Variants in FSHR observed in about 807,000 individuals in gnomAD.
The protein encoded by FSHR is follicle-stimulating hormone receptor.
FSHR carries 46 observed loss-of-function variants against 52.1 expected under a neutral mutation model. The ratio of observed to expected loss-of-function variants is 0.88; its 90% CI spans 0.70 to 1.13. The LOEUF (loss-of-function observed/expected upper bound fraction) is 1.13. Among genes scored for constraint, FSHR ranks in the 50% most tolerant of loss-of-function variants. The pLI, the probability that FSHR is intolerant of heterozygous loss-of-function variation, is 0.00. For missense variants in FSHR, 964 were observed against 834.6 expected, an observed-to-expected ratio of 1.16 and a Z score of -1.91; for synonymous variants, 399 against 309.6, an observed-to-expected ratio of 1.29 and a Z score of -3.03.
At chr2:49,086,842 C>G (rs921762138) in intron 1 of FSHR, among the ~76,000 whole-genome samples, 16 of 152,184 alleles carry the variant, frequency 1.1e-4, no homozygotes, top group African/African-American at 3.9e-4. Flanking sequence ...CATGGTTGGC[C>G]AGGCTGGTCT....
intron 1 of FSHR, among the ~76,000 whole-genome samples, chr2:49,128,357 G>A (rs527247212): frequency 3.3e-5 from 5 of 152,078 alleles, no homozygotes; most frequent in African/African-American, 1.2e-4. Flanking sequence ...CACACAAATT[G>A]AGCAATACTG....
At chr2:49,128,268 T>C (rs560947207) in intron 1 of FSHR, among the ~76,000 whole-genome samples, 34 of 152,272 alleles carry the variant, frequency 2.2e-4, no homozygotes, top group Non-Finnish European at 2.9e-4. Context: ...AGACACTTGT[T>C]GAATAAATGA....
chr2:49,133,218 A>G (rs1672358159), intron 1 of FSHR, among the ~76,000 whole-genome samples: 1 of 152,124 alleles, frequency 6.6e-6, no homozygotes, highest in Admixed American at 6.5e-5. Flanking sequence ...ACAGCATTTA[A>G]CAGGTTGGGG....
intron 2 of FSHR, among the ~76,000 whole-genome samples, chr2:49,048,094 C>G (rs1348281708): frequency 1.3e-5 from 2 of 151,934 alleles, no homozygotes; most frequent in African/African-American, 4.8e-5. Context: ...TCATGTTGGC[C>G]AGGCTGGTCT....
At chr2:48,991,500 G>C (rs1675777369) in intron 4 of FSHR, among the ~76,000 whole-genome samples, 1 of 152,160 alleles carries the variant, frequency 6.6e-6, no homozygotes. Context: ...TTGGTAAAAG[G>C]TGACCCTATG....
intron 4 of FSHR, among the ~76,000 whole-genome samples, chr2:49,000,382 T>TA (rs1183122259): frequency 6.6e-6 from 1 of 152,094 alleles, no homozygotes; most frequent in Non-Finnish European, 1.5e-5. Context: ...GACTTGAATG[T>TA]AAAAAAATAA....
At chr2:48,978,961 G>T (rs541065416) in intron 8 of FSHR, among the ~76,000 whole-genome samples, 82 of 152,314 alleles carry the variant, frequency 5.4e-4, no homozygotes, top group African/African-American at 1.9e-3. Flanking sequence ...GCCAGTGAGG[G>T]AGGAAGATTC....
At chr2:49,043,297 G>T (rs1668544626) in intron 2 of FSHR, among the ~76,000 whole-genome samples, 3 of 152,034 alleles carry the variant, frequency 2.0e-5, no homozygotes, top group South Asian at 4.1e-4. Flanking sequence ...GCAGGGTAGG[G>T]GGTGGGGTAG....
At chr2:48,977,181 A>G (rs559845330) in intron 8 of FSHR, among the ~76,000 whole-genome samples, 3 of 152,094 alleles carry the variant, frequency 2.0e-5, no homozygotes, top group South Asian at 4.2e-4. Context: ...TACAATGACT[A>G]TTTGCTAAAG....
chr2:49,154,106 C>T (rs181433593), intron 1 of FSHR, among the ~76,000 whole-genome samples, 160 bp downstream of exon 1: 1 of 152,288 alleles, frequency 6.6e-6, no homozygotes, highest in East Asian at 1.9e-4. Context: ...AAGCCACAGG[C>T]AGGAGGGTTG....
At chr2:49,077,012 G>A (rs765215506) in intron 1 of FSHR, among the ~76,000 whole-genome samples, 7 of 152,116 alleles carry the variant, frequency 4.6e-5, no homozygotes, top group South Asian at 2.1e-4. Context: ...GCAAACTGTC[G>A]GTGGATCTAC....
At position 48,962,791 on chromosome 2, in the gene FSHR, C is replaced by G. The variant is rs147439856; in HGVS notation, c.2030G>C (p.Arg677Thr). Residue 677 changes from arginine (R) to threonine (T), a missense_variant, in exon 10 of 10, where the codon AGA (arginine) becomes ACA (threonine). Physicochemically the swap from Arg to Thr is moderately conservative, Grantham distance 71. Coordinates refer to ENST00000406846, the MANE Select transcript of FSHR (RefSeq NM_000145.4). The part of the protein sequence containing the change: ...PRNGHCSSAP[R>T]VTSGSTYILV... ...TATGTAAGTGGAACCACTGGTGACTCTGGGAGCTGAAGAGCAGTGGCCATT... is the reference window on the plus strand; with the variant it reads ...TATGTAAGTGGAACCACTGGTGACTGTGGGAGCTGAAGAGCAGTGGCCATT... 7 of 1,613,988 alleles carry G rather than the reference C, an allele frequency of 4.3e-6. No individual in the cohort carries two copies. The highest frequency in any genetic ancestry group is 4.0e-5 in the African/African-American group (3 of 74,914).
At position 48,988,986 on chromosome 2, in the gene FSHR, C is replaced by A. The variant is rs747121583; in HGVS notation, c.515G>T (p.Ser172Ile). ...TTTCCCCCTTACTTACAGAATCACA[C>A]TTTCAAAGCTCAGCCCCACGAAAGA... ...RNSFVGLSFE[S>I]VILWLNKNGI... The change falls in exon 6 of 10, where the codon AGT becomes ATT. Residue 172 changes from serine to isoleucine, a missense_variant. Physicochemically the swap from Ser to Ile is moderately radical, Grantham distance 142. Coordinates refer to ENST00000406846, the MANE Select transcript of FSHR (RefSeq NM_000145.4). 6.2e-7 allele frequency: 1 copy of A among 1,613,728 alleles called. No individual in the cohort carries two copies. The highest frequency in any genetic ancestry group is 8.5e-7 in the Non-Finnish European group (1 of 1,179,708).
intron 2 of FSHR, among the ~76,000 whole-genome samples, chr2:49,022,631 T>A (rs545645266): frequency 1.2e-3 from 177 of 152,282 alleles, no homozygotes; most frequent in Non-Finnish European, 2.0e-3. Context: ...CCCACCTGTA[T>A]GAGGAACCAA....
Position 49,154,281 on chromosome 2 carries a change from C to G in FSHR, c.137G>C (p.Arg46Thr), listed in dbSNP as rs750934104. The G allele has an allele frequency of 6.2e-7, 1 of 1,613,786 alleles. No individual in the cohort carries two copies. Among genetic ancestry groups the G allele is most frequent in the Admixed American group, 1.7e-5 (1 of 59,962 alleles). Residue 46 changes from arginine to threonine, a missense_variant, in exon 1 of 10, where the codon AGG (arginine) becomes ACG (threonine). Transcript: ENST00000406846. ...KVTEIPSDLP[R>T]NAIELRFVLT... ...TGATACTCACAGTTCAATGGCATTC[C>G]TCGGGAGGTCAGAAGGAATCTCTGT... is the stretch of plus-strand genomic sequence containing the variant.
chr2:49,127,879 TCTTCTTCTTCTTCTTCTTC>T lies in FSHR; in HGVS notation c.152+26368_152+26386del, dbSNP rs1558457008. Among the ~76,000 whole-genome samples, 288 of 48,964 alleles carry T rather than the reference TCTTCTTCTTCTTCTTCTTC, an allele frequency of 5.9e-3. 27 individuals are homozygous for T. The highest frequency in any genetic ancestry group is 0.024 in the African/African-American group (152 of 6,404). The allele number at this position is 48,964 out of a possible 152,430, so 32.1% of individuals were successfully genotyped here. A position where few individuals can be genotyped will look rare whatever the true frequency, so the allele number is the denominator to read the frequency against. On this transcript the variant is annotated intron_variant, in intron 1 of 9. Coordinates refer to ENST00000406846, the MANE Select transcript of FSHR (RefSeq NM_000145.4). The stretch of plus-strand genomic sequence containing the variant: ...TTCTTCTTCTTCTTCTTCTTCTTCT[TCTTCTTCTTCTTCTTCTTC>T]TTTTTTTTTTTTGAGACGGAGTCTT...
intron 2 of FSHR, among the ~76,000 whole-genome samples, chr2:49,042,771 C>T (rs944847449): frequency 1.3e-5 from 2 of 152,094 alleles, no homozygotes; most frequent in African/African-American, 4.8e-5. Context: ...AGGTTAGTGA[C>T]AGAGAGACAG....
intron 6 of FSHR, among the ~76,000 whole-genome samples, chr2:48,985,122 CGATGAT>C: frequency 6.6e-6 from 1 of 152,138 alleles, no homozygotes; most frequent in Non-Finnish European, 1.5e-5. Context: ...ACGATGATGA[CGATGAT>C]GACGATGACT....
chr2:48,996,941 T>C lies in FSHR; in HGVS notation c.375-6304A>G, dbSNP rs1024338898. On this transcript the variant is annotated intron_variant, in intron 4 of 9. Coordinates refer to ENST00000406846, the MANE Select transcript of FSHR (RefSeq NM_000145.4). ...TTGCTAATATTGATATTTCTATTAA[T>C]TACAGATCCTTCTTAACTGGGAGTT... Among the ~76,000 whole-genome samples, 3 of 152,150 alleles carry C rather than the reference T, an allele frequency of 2.0e-5. No homozygotes were observed. In the South Asian group the frequency reaches 6.2e-4, roughly 31 times the overall value.
Sources: allele counts gnomAD v4.1 joint callset (sites outside exome capture counted in the v4.1 genomes callset), GRCh38; gene constraint gnomAD v4.1.1; transcripts MANE v1.5; gene names NCBI Gene and HGNC (gene_info 2026-07-23, HGNC 2026-07-21).